Variants in ATG13 observed in about 807,000 individuals in gnomAD.
ATG13 encodes autophagy related 13.
ATG13 carries 23 observed loss-of-function variants against 65.5 expected under a neutral mutation model. The observed-to-expected ratio is 0.35, with a 90% CI of 0.25 to 0.50. The LOEUF is 0.50. ATG13 is among the 20% of genes least tolerant of loss of function. The pLI is 0.98. For synonymous variants in ATG13, 252 were observed against 245.2 expected (o/e 1.03, Z -0.26); for missense variants, 566 against 677.0 (o/e 0.84, Z 1.82).
intron 7 of ATG13, among the ~76,000 whole-genome samples, chr11:46,655,525 GATC>G (rs1199467337): frequency 2.6e-5 from 4 of 152,212 alleles, no homozygotes; most frequent in African/African-American, 9.6e-5. Context: ...AGTGAGCCGA[GATC>G]ATGCCACTGC....
chr11:46,656,977 A>T (rs2060176184), intron 8 of ATG13, 118 bp from the exon 9 acceptor site: 1 of 827,410 alleles, frequency 1.2e-6, no homozygotes, highest in Non-Finnish European at 2.1e-6. Flanking sequence ...TGCACTTAAC[A>T]TGCTAAGTGG....
chr11:46,637,736 C>T (rs1047699197), intron 2 of ATG13, among the ~76,000 whole-genome samples: 4 of 152,174 alleles, frequency 2.6e-5, no homozygotes, highest in Non-Finnish European at 5.9e-5. Flanking sequence ...TTGCATTTGG[C>T]AGAGACTCAG....
intron 10 of ATG13, among the ~76,000 whole-genome samples, chr11:46,658,213 C>G (rs577975586): frequency 6.6e-6 from 1 of 152,154 alleles, no homozygotes; most frequent in Non-Finnish European, 1.5e-5. Flanking sequence ...TAAAATGTCT[C>G]CAGGTCTAGA....
intron 5 of ATG13, among the ~76,000 whole-genome samples, chr11:46,647,387 C>T (rs773356764): frequency 2.7e-5 from 4 of 150,658 alleles, no homozygotes; most frequent in African/African-American, 7.4e-5. Context: ...AAGCGATTCT[C>T]GTGCCTCAGC....
At chr11:46,649,581 G>C (rs541284733) in intron 6 of ATG13, among the ~76,000 whole-genome samples, 4 of 152,216 alleles carry the variant, frequency 2.6e-5, no homozygotes, top group African/African-American at 9.6e-5. Context: ...AGACTGTATG[G>C]GTCATGGATT....
chr11:46,628,938 CTTTTTTTT>C (rs10714909), intron 1 of ATG13, among the ~76,000 whole-genome samples: 5 of 137,874 alleles, frequency 3.6e-5, no homozygotes, highest in Non-Finnish European at 7.7e-5. Context: ...GATCTGTTTT[CTTTTTTTT>C]TTTTTTTGGA....
intron 7 of ATG13, among the ~76,000 whole-genome samples, chr11:46,654,693 GCAT>G (rs2059660142): frequency 1.3e-5 from 2 of 152,124 alleles, no homozygotes; most frequent in African/African-American, 4.8e-5. Flanking sequence ...CTGCACTCCA[GCAT>G]GGGCAACACA....
intron 12 of ATG13, 154 bp downstream of exon 12, chr11:46,664,249 C>T (rs1365788778): frequency 1.4e-5 from 8 of 588,228 alleles, no homozygotes; most frequent in East Asian, 6.3e-5. Flanking sequence ...GACACAGCCA[C>T]GGCCCAACAG....
intron 2 of ATG13, among the ~76,000 whole-genome samples, chr11:46,633,170 G>T (rs1165455514): frequency 6.7e-6 from 1 of 149,590 alleles, no homozygotes; most frequent in Non-Finnish European, 1.5e-5. Flanking sequence ...GATTACAGGC[G>T]CCTGCCACCA....
chr11:46,644,116 C>T (rs200024622), intron 2 of ATG13, among the ~76,000 whole-genome samples, 163 bp from the exon 3 acceptor site: 1 of 152,124 alleles, frequency 6.6e-6, no homozygotes. Flanking sequence ...GAGATAGTAT[C>T]TCAGTATTTT....
intron 7 of ATG13, 89 bp from the exon 8 acceptor site, chr11:46,656,144 T>G: frequency 8.6e-7 from 1 of 1,162,686 alleles, no homozygotes; most frequent in Non-Finnish European, 1.3e-6. Context: ...AAGGAAGGCT[T>G]TGTTTTATTT....
In ATG13 at chr11:46,622,116, TATATATATA is replaced by T. The variant is rs1565398667; in HGVS notation, c.-70+4227_-70+4235del. Among the ~76,000 whole-genome samples, 122 of 92,386 alleles carry T rather than the reference TATATATATA, an allele frequency of 1.3e-3. 2 individuals are homozygous for T. Among genetic ancestry groups the T allele is most frequent in the African/African-American group, 4.9e-3 (102 of 20,794 alleles). 60.6% of individuals were successfully genotyped at this position (92,386 alleles called of 152,430 possible). A position where few individuals can be genotyped will look rare whatever the true frequency, so the allele number is the denominator to read the frequency against. On this transcript the variant is annotated intron_variant, in intron 1 of 18. Coordinates refer to ENST00000683050, the MANE Select transcript of ATG13 (RefSeq NM_001346311.2). ...ATATATATATATATATATATATATA[TATATATATA>T]TATTTATTTTAGAGATGGTATTTGC...
Position 46,649,119 on chromosome 11 carries a change from A to C in ATG13, c.271-18A>C. On this transcript the variant is annotated intron_variant, in intron 5 of 18. Coordinates refer to ENST00000683050, the MANE Select transcript of ATG13 (RefSeq NM_001346311.2). ...AAAAATTTTTTAAACAAATATTTTA[A>C]ATTTGTCCTTTCTACAGGGAGATTC... The C allele has an allele frequency of 6.2e-7, 1 of 1,605,208 alleles. No individual in the cohort carries two copies. The highest frequency in any genetic ancestry group is 8.5e-7 in the Non-Finnish European group (1 of 1,176,086).
At chr11:46,654,020 G>A (rs923647423) in intron 7 of ATG13, among the ~76,000 whole-genome samples, 4 of 151,232 alleles carry the variant, frequency 2.6e-5, no homozygotes, top group Admixed American at 1.3e-4. Context: ...TGTCCAGGGA[G>A]AATCATAGGA....
intron 7 of ATG13, among the ~76,000 whole-genome samples, chr11:46,650,987 TAACA>T (rs760821463): frequency 2.0e-5 from 3 of 152,326 alleles, no homozygotes; most frequent in South Asian, 2.1e-4. Context: ...AAACTTTGTC[TAACA>T]AACTGTTAAC....
At chr11:46,658,938 C>A (rs2060590215) in intron 10 of ATG13, among the ~76,000 whole-genome samples, 1 of 152,182 alleles carries the variant, frequency 6.6e-6, no homozygotes, top group Non-Finnish European at 1.5e-5. Flanking sequence ...ACCTGTAATC[C>A]TAGCACTTTG....
At chr11:46,623,922 T>C in intron 1 of ATG13, among the ~76,000 whole-genome samples, 1 of 146,752 alleles carries the variant, frequency 6.8e-6, no homozygotes, top group Non-Finnish European at 1.5e-5. Context: ...ATTCTTATTC[T>C]TTTTTTTTTT....
At chr11:46,659,264 C>T in intron 10 of ATG13, 128 bp from the exon 11 acceptor site, 1 of 669,972 alleles carries the variant, frequency 1.5e-6, no homozygotes, top group East Asian at 2.7e-5. Context: ...ACATGCCTTT[C>T]TTGCCAGTAC....
intron 1 of ATG13, among the ~76,000 whole-genome samples, chr11:46,623,812 A>T (rs930411975): frequency 9.2e-5 from 14 of 151,910 alleles, no homozygotes; most frequent in Non-Finnish European, 1.6e-4. Context: ...GTGAATTTTT[A>T]TGTACTCTTC....
Sources: allele counts gnomAD v4.1 joint callset (sites outside exome capture counted in the v4.1 genomes callset), GRCh38; gene constraint gnomAD v4.1.1; transcripts MANE v1.5; gene names NCBI Gene and HGNC (gene_info 2026-07-23, HGNC 2026-07-21).